The following MBD3 variants were observed in gnomAD, a reference collection of about 807,000 sequenced individuals.
The protein encoded by MBD3 is methyl-CpG binding domain protein 3, also known as methyl-CpG-binding domain protein 3.
MBD3 carries 13 observed loss-of-function variants against 31.2 expected under a neutral mutation model. That is an observed-to-expected ratio of 0.42 (90% CI 0.27 to 0.66). The LOEUF (loss-of-function observed/expected upper bound fraction) is 0.66, where lower values mean the gene tolerates loss of function less well. Ranked by LOEUF, MBD3 falls within the 30% of genes least tolerant of loss-of-function variation. The pLI, the probability that MBD3 is intolerant of heterozygous loss-of-function variation, is 0.26. For missense variants in MBD3, 440 were observed against 426.5 expected, an observed-to-expected ratio of 1.03 and a Z score of -0.28; for synonymous variants, 223 against 187.4, an observed-to-expected ratio of 1.19 and a Z score of -1.55.
rs1323942019 is a variant in MBD3, at chr19:1,584,552, G to A, written c.396C>T (p.Asp132=). ...GCGTTGAGCTCACCTGGCGCGGCTG[G>A]TCCACCGCCTTCTGCGGGTCGCTCT... ...KVKSDPQKAV[D]QPRQLFWEKK... is the part of the protein sequence containing the mutation. Residue 132 remains aspartate, a synonymous_variant, in exon 3 of 7, where the codon GAC becomes GAT. Transcript: ENST00000434436. The A allele has an allele frequency of 1.2e-6, 2 of 1,613,586 alleles. No individual in the cohort carries two copies. The highest frequency in any genetic ancestry group is 8.5e-7 in the Non-Finnish European group (1 of 1,179,878).
chr19:1,578,671 GCCC>G lies in MBD3; in HGVS notation c.678-136_678-134del. The G allele has an allele frequency of 6.4e-7, 1 of 1,556,706 alleles. No homozygotes were observed. The highest frequency in any genetic ancestry group is 8.7e-7 in the Non-Finnish European group (1 of 1,145,470). On this transcript the variant is annotated intron_variant, in intron 5 of 6. Transcript: ENST00000434436. The surrounding 1 kb of genome is among the most constrained non-coding windows in gnomAD (Gnocchi z 6.1). ...AGGCACCCCCCCAGGACCAGCCCTG[GCCC>G]GTGCCACCCCTCCCTTCACAATCCA...
intron 5 of MBD3, 110 bp downstream of exon 5, chr19:1,580,982 C>T: frequency 7.3e-7 from 1 of 1,377,458 alleles, no homozygotes; most frequent in South Asian, 1.2e-5. Flanking sequence ...TTTCAAAACC[C>T]CAGCAGCATC....
chr19:1,588,453 T>C (rs1205216125), intron 1 of MBD3, among the ~76,000 whole-genome samples: 1 of 152,048 alleles, frequency 6.6e-6, no homozygotes, highest in African/African-American at 2.4e-5. Flanking sequence ...TTGCCTCCGG[T>C]CACCCCAAAG....
chr19:1,580,220 G>A (rs1164851725), intron 5 of MBD3, among the ~76,000 whole-genome samples: 3 of 152,228 alleles, frequency 2.0e-5, no homozygotes, highest in South Asian at 2.1e-4. Context: ...AAAAGAGGGG[G>A]CCCAGAGGTA....
intron 1 of MBD3, among the ~76,000 whole-genome samples, chr19:1,589,344 C>CAAAAAA (rs35111393): frequency 4.6e-5 from 3 of 65,628 alleles, no homozygotes; most frequent in African/African-American, 1.1e-4. Context: ...AACTCGGTCT[C>CAAAAAA]AAAAAAAAAA....
At chr19:1,583,552 A>G (rs1228601873) in intron 3 of MBD3, among the ~76,000 whole-genome samples, 1 of 152,042 alleles carries the variant, frequency 6.6e-6, no homozygotes, top group Non-Finnish European at 1.5e-5. Flanking sequence ...TTGGGGGGAA[A>G]AAAAATAAAT....
At chr19:1,580,915 C>T (rs1268544340) in intron 5 of MBD3, among the ~76,000 whole-genome samples, 177 bp downstream of exon 5, 1 of 152,196 alleles carries the variant, frequency 6.6e-6, no homozygotes, top group South Asian at 2.1e-4. Context: ...ACCCAGGACG[C>T]GGGTGAAACG....
In MBD3 at chr19:1,581,191, G is replaced by A. The variant is rs1426650915; in HGVS notation, c.578C>T (p.Thr193Met). 6 of 1,614,000 alleles carry A rather than the reference G, an allele frequency of 3.7e-6. No homozygotes were observed. The highest frequency in any genetic ancestry group is 2.2e-5 in the South Asian group (2 of 91,080). Residue 193 changes from threonine (T) to methionine (M), a missense_variant, in exon 5 of 7, where the codon ACG (threonine) becomes ATG (methionine). Transcript: ENST00000434436. ...SALHTSTMPI[T>M]GQLSAAVEKN... ...CTCCACGGCGGCCGAGAGCTGTCCC[G>A]TGATGGGCATGGTGCTAGTGTGCAG...
At position 1,582,725 on chromosome 19, in the gene MBD3, C is replaced by T; in HGVS notation, c.409-13G>A. On this transcript the variant is annotated splice_polypyrimidine_tract_variant and intron_variant, in intron 3 of 6. Coordinates refer to ENST00000434436, the MANE Select transcript of MBD3 (RefSeq NM_001281453.2). The stretch of plus-strand genomic sequence containing the variant: ...TCTCCCAGAAGAGCTGCCCCAGACA[C>T]ATATGTGAACCTCAAGAGTGGCCCT... The T allele has an allele frequency of 6.2e-7, 1 of 1,610,624 alleles. No individual in the cohort carries two copies. Among genetic ancestry groups the T allele is most frequent in the Non-Finnish European group, 8.5e-7 (1 of 1,178,238 alleles).
rs748039427 is a variant in MBD3 at position 1,578,391 on chromosome 19, CTCGTCTTCCTCG to C, written c.813_824del (p.Asp271_Asp274del). The C allele has an allele frequency of 2.5e-6, 4 of 1,603,504 alleles. No individual in the cohort carries two copies. In the African/African-American group the frequency reaches 4.0e-5, roughly 16 times the overall value. On this transcript the variant is annotated inframe_deletion, in exon 6 of 7. Coordinates refer to ENST00000434436, the MANE Select transcript of MBD3 (RefSeq NM_001281453.2). The surrounding 1 kb of genome is among the most constrained non-coding windows in gnomAD (Gnocchi z 6.1). ...GGTCGGGCTCCTCCTCCTCCTCCTC[CTCGTCTTCCTCG>C]TCGTCGTCCTCAGCGCAGGCCTTGT... is the stretch of plus-strand genomic sequence containing the variant.
At chr19:1,589,815 CAGAACAAG>C (rs2060695681) in intron 1 of MBD3, among the ~76,000 whole-genome samples, 1 of 151,576 alleles carries the variant, frequency 6.6e-6, no homozygotes, top group Admixed American at 6.6e-5. Flanking sequence ...GCCTGGGTGA[CAGAACAAG>C]ACCCTGTCTC....
intron 1 of MBD3, among the ~76,000 whole-genome samples, chr19:1,591,087 G>A (rs2060701359): frequency 1.3e-5 from 2 of 152,292 alleles, no homozygotes; most frequent in East Asian, 1.9e-4. Context: ...CCTCTTAGGG[G>A]GTTCCTGCTG....
chr19:1,592,683 C>G lies in MBD3; in HGVS notation c.-52G>C. ...GGGCCCGCCGCCGCCGCCCGGACCC[C>G]CACTCGCCGCCGCCGCCTCAGCTGC... is the stretch of plus-strand genomic sequence containing the variant. On this transcript the variant is annotated 5_prime_UTR_variant, in exon 1 of 7. Transcript: ENST00000434436. 1 of 678,600 alleles carries G rather than the reference C, an allele frequency of 1.5e-6. No homozygotes were observed. The highest frequency in any genetic ancestry group is 1.9e-6 in the Non-Finnish European group (1 of 531,444). 42.0% of individuals were successfully genotyped at this position (678,600 alleles called of 1,614,324 possible). A position where few individuals can be genotyped will look rare whatever the true frequency, so the allele number is the denominator to read the frequency against.
Position 1,584,781 on chromosome 19 carries a change from G to C in MBD3, c.271-104C>G, listed in dbSNP as rs1040524515. The C allele has an allele frequency of 8.1e-5, 101 of 1,244,614 alleles. No homozygotes were observed. In the Middle Eastern group the frequency reaches 2.5e-3, roughly 31 times the overall value. 77.1% of individuals were successfully genotyped at this position (1,244,614 alleles called of 1,614,324 possible). A position where few individuals can be genotyped will look rare whatever the true frequency, so the allele number is the denominator to read the frequency against. ...ACCCCCTGCTTTGCCGGCGCCCCTC[G>C]TGTCCCCCGCGCCCGCCAGGACCCC... On this transcript the variant is annotated intron_variant, in intron 2 of 6. Coordinates refer to ENST00000434436, the MANE Select transcript of MBD3 (RefSeq NM_001281453.2).
At chr19:1,582,787 G>A (rs1249856267) in intron 3 of MBD3, 75 bp from the exon 4 acceptor site, 2 of 1,391,950 alleles carry the variant, frequency 1.4e-6, no homozygotes, top group Non-Finnish European at 2.0e-6. Flanking sequence ...TGGGCTCCAG[G>A]GAGGCCCACC....
At position 1,576,053 on chromosome 19, in the gene MBD3, A is replaced by T. The variant is rs1028797028; in HGVS notation, c.*2111T>A. On this transcript the variant is annotated 3_prime_UTR_variant, in exon 7 of 7. Coordinates refer to ENST00000434436, the MANE Select transcript of MBD3 (RefSeq NM_001281453.2). ...ACAGGAGAGAGAGCAAGAAACAAAG[A>T]GGGACAGAGAGGGAGACGGCGCAAG... is the stretch of plus-strand genomic sequence containing the variant. 1.3e-5 allele frequency: 2 copies of T among 152,432 alleles called. No homozygotes were observed. The highest frequency in any genetic ancestry group is 4.8e-5 in the African/African-American group (2 of 41,422). 9.4% of individuals were successfully genotyped at this position (152,432 alleles called of 1,614,324 possible).
rs35111393 is a variant in MBD3, at chr19:1,589,344, CAA to C, written c.110+3176_110+3177del. ...GGGCAACAAGAACGAAACTCGGTCT[CAA>C]AAAAAAAAAAAAAAAAAAAAAAGAA... On this transcript the variant is annotated intron_variant, in intron 1 of 6. Transcript: ENST00000434436. Among the ~76,000 whole-genome samples, 339 of 65,662 alleles carry C rather than the reference CAA, an allele frequency of 5.2e-3. 1 individual carries two copies. Among genetic ancestry groups the C allele is most frequent in the African/African-American group, 0.015 (263 of 17,660 alleles). The allele number at this position is 65,662 out of a possible 152,430, so 43.1% of individuals were successfully genotyped here.
intron 5 of MBD3, among the ~76,000 whole-genome samples, chr19:1,579,068 C>T (rs1477432241): frequency 6.6e-6 from 1 of 151,176 alleles, no homozygotes; most frequent in African/African-American, 2.4e-5. Flanking sequence ...CCTGTAGTCC[C>T]AGCTACTTGG....
chr19:1,592,508 G>C lies in MBD3; in HGVS notation c.110+14C>G. 2 of 1,370,406 alleles carry C rather than the reference G, an allele frequency of 1.5e-6. No individual in the cohort carries two copies. The highest frequency in any genetic ancestry group is 1.9e-6 in the Non-Finnish European group (2 of 1,029,042). 84.9% of individuals were successfully genotyped at this position (1,370,406 alleles called of 1,614,324 possible). A position where few individuals can be genotyped will look rare whatever the true frequency, so the allele number is the denominator to read the frequency against. ...AGCCCGTTGAGGCCCTGCGCGGCCG[G>C]CGCGCTCATTCACCTATAGTAAAAG... On this transcript the variant is annotated intron_variant, in intron 1 of 6. Coordinates refer to ENST00000434436, the MANE Select transcript of MBD3 (RefSeq NM_001281453.2).
Sources: allele counts gnomAD v4.1 joint callset (sites outside exome capture counted in the v4.1 genomes callset), GRCh38; gene constraint gnomAD v4.1.1; non-coding constraint Gnocchi (gnomAD v3.1); transcripts MANE v1.5; gene names NCBI Gene and HGNC (gene_info 2026-07-23, HGNC 2026-07-21).